Variants in RFX3 observed in about 807,000 individuals in gnomAD.
The protein encoded by RFX3 is regulatory factor X3, also known as transcription factor RFX3.
A neutral mutation model predicts 98.6 loss-of-function variants in RFX3; 14 were observed. The ratio of observed to expected loss-of-function variants is 0.14; its 90% CI spans 0.09 to 0.22. RFX3 has a LOEUF of 0.22. Among genes scored for constraint, RFX3 ranks in the 10% least tolerant of loss-of-function variants. The pLI is 1.00. For synonymous variants in RFX3, 383 were observed against 328.4 expected (o/e 1.17, Z -1.80); for missense variants, 639 against 926.9 (o/e 0.69, Z 4.03).
intron 4 of RFX3, among the ~76,000 whole-genome samples, chr9:3,316,323 T>C (rs888749868): frequency 5.3e-4 from 81 of 152,178 alleles, no homozygotes; most frequent in African/African-American, 1.9e-3. Context: ...CAAAATTCAA[T>C]GGCCCTTCAT....
chr9:3,444,657 G>A (rs1431815192), intron 1 of RFX3, among the ~76,000 whole-genome samples: 1 of 152,164 alleles, frequency 6.6e-6, no homozygotes, highest in Non-Finnish European at 1.5e-5. Flanking sequence ...ACCTAGAAAT[G>A]AGAAGCCTCA....
chr9:3,262,906 G>T, intron 13 of RFX3, 29 bp downstream of exon 13: 1 of 1,607,350 alleles, frequency 6.2e-7, no homozygotes, highest in Non-Finnish European at 8.5e-7. Flanking sequence ...CTTTCCTTAA[G>T]AGACATGCTT....
At chr9:3,484,836 C>T (rs746010843) in intron 1 of RFX3, among the ~76,000 whole-genome samples, 5 of 152,054 alleles carry the variant, frequency 3.3e-5, no homozygotes, top group Non-Finnish European at 7.4e-5. Context: ...GTAATCCTAA[C>T]CCTTTGGGAG....
At chr9:3,238,795 C>T (rs893869273) in intron 15 of RFX3, among the ~76,000 whole-genome samples, 4 of 152,128 alleles carry the variant, frequency 2.6e-5, no homozygotes, top group Admixed American at 2.6e-4. Flanking sequence ...TGACACCAGC[C>T]TGACCGACAT....
intron 15 of RFX3, among the ~76,000 whole-genome samples, chr9:3,242,338 A>G (rs1304615681): frequency 1.3e-5 from 2 of 152,216 alleles, no homozygotes; most frequent in Admixed American, 1.3e-4. Context: ...CACTCTAAAT[A>G]ACAATCAACA....
chr9:3,419,528 A>G (rs1039226512), intron 1 of RFX3, among the ~76,000 whole-genome samples: 8 of 152,190 alleles, frequency 5.3e-5, no homozygotes, highest in Non-Finnish European at 8.8e-5. Flanking sequence ...ACCTGAATCA[A>G]TATGGTAATA....
At chr9:3,303,725 C>T (rs906022346) in intron 4 of RFX3, among the ~76,000 whole-genome samples, 1 of 151,654 alleles carries the variant, frequency 6.6e-6, no homozygotes, top group Non-Finnish European at 1.5e-5. Flanking sequence ...CAGATGATTC[C>T]CTAGAAGGCC....
At chr9:3,464,502 A>G (rs1848016592) in intron 1 of RFX3, among the ~76,000 whole-genome samples, 1 of 152,238 alleles carries the variant, frequency 6.6e-6, no homozygotes, top group Non-Finnish European at 1.5e-5. Context: ...AATCTAAAAG[A>G]GGCCAGGTGC....
intron 1 of RFX3, among the ~76,000 whole-genome samples, chr9:3,464,957 T>C (rs1848070665): frequency 6.6e-6 from 1 of 152,180 alleles, no homozygotes; most frequent in Admixed American, 6.5e-5. Context: ...TAAGTGTCTC[T>C]CTCACCCCTA....
At chr9:3,452,518 A>C (rs1322527635) in intron 1 of RFX3, 1 of 155,438 alleles carries the variant, frequency 6.4e-6, no homozygotes. Context: ...GCTTGAGCTC[A>C]AGAGTTTGGC....
intron 1 of RFX3, among the ~76,000 whole-genome samples, chr9:3,439,472 G>A (rs897910989): frequency 1.3e-5 from 2 of 151,948 alleles, no homozygotes; most frequent in African/African-American, 4.8e-5. Context: ...GGAAGGAGAG[G>A]TGGCATCGTT....
intron 2 of RFX3, among the ~76,000 whole-genome samples, chr9:3,379,651 T>C (rs1205991782): frequency 1.3e-5 from 2 of 152,098 alleles, no homozygotes; most frequent in Non-Finnish European, 2.9e-5. Flanking sequence ...AAATTTTATC[T>C]AAATAAGCAC....
chr9:3,230,880 T>A (rs796332760), intron 15 of RFX3, among the ~76,000 whole-genome samples: 23 of 152,346 alleles, frequency 1.5e-4, no homozygotes, highest in African/African-American at 4.8e-4. Flanking sequence ...AAAACCAAAC[T>A]CTGGACATAT....
intron 2 of RFX3, chr9:3,394,898 G>C: frequency 3.3e-6 from 3 of 915,770 alleles, no homozygotes; most frequent in Non-Finnish European, 3.9e-6. Flanking sequence ...AATAAGACCT[G>C]TAGTAAATAT....
At chr9:3,408,084 C>T (rs368915420) in intron 1 of RFX3, among the ~76,000 whole-genome samples, 1 of 152,206 alleles carries the variant, frequency 6.6e-6, no homozygotes, top group East Asian at 1.9e-4. Context: ...AAGGGGCAAT[C>T]TCAATTCGTT....
intron 1 of RFX3, among the ~76,000 whole-genome samples, chr9:3,480,862 A>G (rs1014251567): frequency 6.6e-6 from 1 of 152,178 alleles, no homozygotes; most frequent in East Asian, 1.9e-4. Context: ...AAACTGCTAT[A>G]CAAATATAAG....
At chr9:3,509,898 G>A (rs141243147) in intron 1 of RFX3, among the ~76,000 whole-genome samples, 1 of 151,956 alleles carries the variant, frequency 6.6e-6, no homozygotes, top group Admixed American at 6.6e-5. Flanking sequence ...CATTGTACAA[G>A]TCACTTACCC....
At position 3,380,049 on chromosome 9, in the gene RFX3, C is replaced by T. The variant is rs551883234; in HGVS notation, c.117+15423G>A. Among the ~76,000 whole-genome samples, 6 of 152,150 alleles carry T rather than the reference C, an allele frequency of 3.9e-5. No individual in the cohort carries two copies. In the East Asian group the frequency reaches 1.2e-3, roughly 29 times the overall value. On this transcript the variant is annotated intron_variant, in intron 2 of 16. Coordinates refer to ENST00000617270, the MANE Select transcript of RFX3 (RefSeq NM_001282116.2). Reference sequence around the variant, plus strand: ...TCAAGCGATTCTCCTGCCTCCGCGTCCCAAGTAGCTGGGATTACAGGCATG... The same window carrying T: ...TCAAGCGATTCTCCTGCCTCCGCGTTCCAAGTAGCTGGGATTACAGGCATG...
intron 1 of RFX3, among the ~76,000 whole-genome samples, chr9:3,491,426 TAACTA>T (rs1232993802): frequency 6.6e-6 from 1 of 152,204 alleles, no homozygotes; most frequent in Non-Finnish European, 1.5e-5. Flanking sequence ...TATATGTTAT[TAACTA>T]AACGACTACA....
Sources: gnomAD v4.1 joint callset for allele counts (sites outside exome capture counted in the v4.1 genomes callset) on GRCh38, gnomAD v4.1.1 for gene constraint, MANE v1.5 for transcripts, NCBI Gene and HGNC (gene_info 2026-07-23, HGNC 2026-07-21) for gene names.